CATSPER3: variants seen among roughly 807,000 people sequenced by gnomAD.
CATSPER3 encodes cation channel sperm associated 3.
CATSPER3 carries 23 observed loss-of-function variants against 36.6 expected under a neutral mutation model. The observed-to-expected ratio is 0.63, with a 90% CI of 0.45 to 0.89. The LOEUF is 0.89. Among genes scored for constraint, CATSPER3 ranks in the 40% least tolerant of loss-of-function variants. The pLI, the probability that CATSPER3 is intolerant of heterozygous loss-of-function variation, is 0.00. For missense variants in CATSPER3, 474 were observed against 503.9 expected (o/e 0.94, Z 0.57); for synonymous variants, 172 against 184.1 (o/e 0.93, Z 0.53).
Position 134,968,011 on chromosome 5 carries a change from A to G in CATSPER3, c.20A>G (p.Gln7Arg). The G allele has an allele frequency of 6.2e-7, 1 of 1,614,046 alleles. No individual in the cohort carries two copies. The highest frequency in any genetic ancestry group is 8.5e-7 in the Non-Finnish European group (1 of 1,179,906). ...TGGAAAATGTCTCAACACCGTCACC[A>G]GCGCCACTCGAGAGTCATTTCTAGT... MSQHRHQRHSRVISSSP... is the reference protein window; with the variant it reads MSQHRHRRHSRVISSSP... The change falls in exon 1 of 8, where the codon CAG (glutamine) becomes CGG (arginine). Residue 7 changes from glutamine to arginine, a missense_variant. Gln to Arg is a conservative substitution (Grantham distance 43). Coordinates refer to ENST00000282611, the MANE Select transcript of CATSPER3 (RefSeq NM_178019.3).
intron 2 of CATSPER3, among the ~76,000 whole-genome samples, chr5:134,996,063 C>T (rs1410303061): frequency 6.6e-6 from 1 of 152,178 alleles, no homozygotes; most frequent in Non-Finnish European, 1.5e-5. Flanking sequence ...AGACCCAGCC[C>T]CAGGTGTAGG....
intron 2 of CATSPER3, among the ~76,000 whole-genome samples, chr5:134,971,869 C>A (rs1459662892): frequency 6.6e-6 from 1 of 152,166 alleles, no homozygotes; most frequent in African/African-American, 2.4e-5. Flanking sequence ...CCTCAAAAAT[C>A]AAGCTACTGC....
In CATSPER3 at chr5:134,994,960, T is replaced by C. The variant is rs146379484; in HGVS notation, c.253-1313T>C. 5.7e-3 allele frequency among the ~76,000 whole-genome samples: 857 copies of C among 150,698 alleles called. 1 individual carries two copies. The highest frequency in any genetic ancestry group is 8.9e-3 in the Non-Finnish European group (602 of 67,616). On this transcript the variant is annotated intron_variant, in intron 2 of 7. Coordinates refer to ENST00000282611, the MANE Select transcript of CATSPER3 (RefSeq NM_178019.3). ...CTCCCTTCCTTCCTTTCTTTCTTCCTTCCTCTCTGCCTCCTTTCTTTCTTT... is the reference window on the plus strand; with the variant it reads ...CTCCCTTCCTTCCTTTCTTTCTTCCCTCCTCTCTGCCTCCTTTCTTTCTTT...
At chr5:134,968,146 G>A (rs2149543967) in intron 1 of CATSPER3, 57 bp downstream of exon 1, 1 of 1,229,794 alleles carries the variant, frequency 8.1e-7, no homozygotes, top group Non-Finnish European at 1.2e-6. Context: ...AAGTGTGAGG[G>A]CAGGGTGTCA....
rs1042663655 is a variant in CATSPER3 at position 134,996,344 on chromosome 5, C to T, written c.324C>T (p.Asn108=). The change falls in exon 3 of 8, where the codon AAC becomes AAT. Residue 108 remains asparagine (N), a synonymous_variant. Transcript: ENST00000282611. ...TGAAGGTCTATGTGGACCCCATCAA[C>T]TACTGGAAGAACGGCTACAACCTGC... ...LSMKVYVDPI[N]YWKNGYNLLD... The T allele has an allele frequency of 6.2e-7, 1 of 1,614,234 alleles. No homozygotes were observed. The highest frequency in any genetic ancestry group is 1.3e-5 in the African/African-American group (1 of 75,074).
intron 2 of CATSPER3, among the ~76,000 whole-genome samples, chr5:134,994,859 T>A (rs1054507924): frequency 6.6e-6 from 1 of 152,090 alleles, no homozygotes; most frequent in African/African-American, 2.4e-5. Context: ...GTTCCCCCAG[T>A]TTTTATTTTG....
chr5:134,995,956 TC>T (rs1751939911), intron 2 of CATSPER3: 1 of 431,402 alleles, frequency 2.3e-6, no homozygotes, highest in Non-Finnish European at 4.3e-6. Flanking sequence ...CTTGGGACCT[TC>T]CCTTGGGAAA....
chr5:135,008,515 T>A (rs1195839606), intron 4 of CATSPER3, among the ~76,000 whole-genome samples: 1 of 152,096 alleles, frequency 6.6e-6, no homozygotes, highest in Non-Finnish European at 1.5e-5. Flanking sequence ...AATCTAGAAA[T>A]CTAGATTCTG....
At chr5:134,986,908 A>G (rs545696790) in intron 2 of CATSPER3, among the ~76,000 whole-genome samples, 1 of 152,354 alleles carries the variant, frequency 6.6e-6, no homozygotes, top group South Asian at 2.1e-4. Context: ...AATGCTTGAC[A>G]TTAGAAAAGA....
chr5:134,989,632 A>G (rs1416039581), intron 2 of CATSPER3, among the ~76,000 whole-genome samples: 1 of 152,208 alleles, frequency 6.6e-6, no homozygotes. Context: ...GAAGAGAATT[A>G]GGGCCTTGCT....
intron 1 of CATSPER3, chr5:134,968,640 A>G: frequency 2.6e-5 from 4 of 153,992 alleles, no homozygotes; most frequent in Non-Finnish European, 5.8e-5. Flanking sequence ...GCAGTGAGCC[A>G]AGATTGCACC....
Position 134,970,242 on chromosome 5 carries a change from A to G in CATSPER3, c.252+150A>G, listed in dbSNP as rs1040856197. On this transcript the variant is annotated intron_variant, in intron 2 of 7. Coordinates refer to ENST00000282611, the MANE Select transcript of CATSPER3 (RefSeq NM_178019.3). Reference sequence around the variant, plus strand: ...GTGATCTCAGCTCACTGCAACCTCCATCTCCACCTCCCAGGTTCAAGCGAT... The same window carrying G: ...GTGATCTCAGCTCACTGCAACCTCCGTCTCCACCTCCCAGGTTCAAGCGAT... The G allele has an allele frequency of 1.2e-5, 9 of 739,474 alleles. No homozygotes were observed. In the African/African-American group the frequency reaches 1.6e-4, roughly 13 times the overall value. 45.8% of individuals were successfully genotyped at this position (739,474 alleles called of 1,614,324 possible).
intron 2 of CATSPER3, among the ~76,000 whole-genome samples, chr5:134,980,914 A>G (rs1208383150): frequency 6.6e-6 from 1 of 151,782 alleles, no homozygotes; most frequent in Non-Finnish European, 1.5e-5. Flanking sequence ...TTTTTTGTAG[A>G]TACAGTATCT....
rs545434141 is a variant in CATSPER3 at position 134,979,251 on chromosome 5, C to T, written c.252+9159C>T. 3.9e-5 allele frequency among the ~76,000 whole-genome samples: 6 copies of T among 152,300 alleles called. No individual in the cohort carries two copies. The South Asian group carries it at 1.0e-3, about 26-fold the overall frequency. On this transcript the variant is annotated intron_variant, in intron 2 of 7. Coordinates refer to ENST00000282611, the MANE Select transcript of CATSPER3 (RefSeq NM_178019.3). ...GCTTGGGCTCAAGCAATCCTCCCAC[C>T]TCAGCCTCCTGAGTAGCTGGGACCA...
chr5:134,978,219 G>T (rs1245458955), intron 2 of CATSPER3, among the ~76,000 whole-genome samples: 1 of 152,126 alleles, frequency 6.6e-6, no homozygotes, highest in African/African-American at 2.4e-5. Flanking sequence ...TAGATAGGAG[G>T]AATTAATTTT....
At chr5:134,974,086 A>G (rs994748537) in intron 2 of CATSPER3, among the ~76,000 whole-genome samples, 3 of 152,342 alleles carry the variant, frequency 2.0e-5, no homozygotes, top group East Asian at 1.9e-4. Context: ...CTGAGCATCA[A>G]TGAAAAGAGA....
chr5:134,998,515 AACT>A (rs1461954952), intron 3 of CATSPER3, among the ~76,000 whole-genome samples: 1 of 152,212 alleles, frequency 6.6e-6, no homozygotes, highest in Non-Finnish European at 1.5e-5. Context: ...ACAATGGTTG[AACT>A]AGTTTACAGT....
intron 2 of CATSPER3, among the ~76,000 whole-genome samples, chr5:134,991,949 C>A (rs553437029): frequency 3.3e-5 from 5 of 152,064 alleles, no homozygotes; most frequent in South Asian, 2.1e-4. Context: ...CCTGATGGAA[C>A]CTTGTCTACA....
At chr5:135,010,287 G>C (rs1321347606) in intron 6 of CATSPER3, 86 bp from the exon 7 acceptor site, 3 of 1,202,154 alleles carry the variant, frequency 2.5e-6, no homozygotes, top group South Asian at 2.4e-5. Context: ...CGCTGCCTGG[G>C]GCCCATCCTG....
Sources: gnomAD v4.1 joint callset for allele counts (sites outside exome capture counted in the v4.1 genomes callset) on GRCh38, gnomAD v4.1.1 for gene constraint, MANE v1.5 for transcripts, NCBI Gene and HGNC (gene_info 2026-07-23, HGNC 2026-07-21) for gene names.